GAL3ST3: variants seen among roughly 807,000 people sequenced by gnomAD.
The protein encoded by GAL3ST3 is galactose-3-O-sulfotransferase 3.
GAL3ST3 carries 21 observed loss-of-function variants against 20.8 expected under a neutral mutation model. The observed-to-expected ratio is 1.01, with a 90% confidence interval of 0.72 to 1.45. GAL3ST3 has a LOEUF of 1.45. GAL3ST3 is among the 40% of genes most tolerant of loss of function. The pLI, the probability that GAL3ST3 is intolerant of heterozygous loss-of-function variation, is 0.00. For missense variants in GAL3ST3, 739 were observed against 662.7 expected, an observed-to-expected ratio of 1.12 and a Z score of -1.26; for synonymous variants, 355 against 307.2, an observed-to-expected ratio of 1.16 and a Z score of -1.63.
chr11:66,043,521 C>A lies in GAL3ST3; in HGVS notation c.282G>T (p.Val94=), dbSNP rs747943374. ...GCTCGCAGCTCGGGTGCGGCAGGGCCACCGTCAGGTTGTGGCGCTCGGCAA... is the reference window on the plus strand; with the variant it reads ...GCTCGCAGCTCGGGTGCGGCAGGGCAACCGTCAGGTTGTGGCGCTCGGCAA... ...FRFAERHNLT[V]ALPHPSCEHQ... Residue 94 remains valine, a synonymous_variant, in exon 3 of 3, where the codon GTG becomes GTT. Coordinates refer to ENST00000312006, the MANE Select transcript of GAL3ST3 (RefSeq NM_033036.3). 1 of 1,610,580 alleles carries A rather than the reference C, an allele frequency of 6.2e-7. No individual in the cohort carries two copies. The highest frequency in any genetic ancestry group is 8.5e-7 in the Non-Finnish European group (1 of 1,179,594).
intron 1 of GAL3ST3, among the ~76,000 whole-genome samples, chr11:66,047,518 G>C (rs1366938893): frequency 6.6e-6 from 1 of 152,194 alleles, no homozygotes; most frequent in African/African-American, 2.4e-5. Context: ...GCTGAGCTCT[G>C]GGGAGCTAGC....
chr11:66,048,136 C>T (rs1856801023), intron 1 of GAL3ST3, among the ~76,000 whole-genome samples: 1 of 152,170 alleles, frequency 6.6e-6, no homozygotes, highest in Non-Finnish European at 1.5e-5. Flanking sequence ...AGATGCTTCA[C>T]ACGACTCCCC....
rs1160101662 is a variant in GAL3ST3, at chr11:66,041,143, T to A, written c.*1364A>T. On this transcript the variant is annotated 3_prime_UTR_variant, in exon 3 of 3. Coordinates refer to ENST00000312006, the MANE Select transcript of GAL3ST3 (RefSeq NM_033036.3). ...TGAAGCCACACTGCCTTGGTTGAGATCCTAGTGGCCACTTTCTGGCTGTGT... is the reference window on the plus strand; with the variant it reads ...TGAAGCCACACTGCCTTGGTTGAGAACCTAGTGGCCACTTTCTGGCTGTGT... 6.6e-6 allele frequency among the ~76,000 whole-genome samples: 1 copy of A among 152,188 alleles called. No individual in the cohort carries two copies. The highest frequency in any genetic ancestry group is 1.5e-5 in the Non-Finnish European group (1 of 68,028).
At chr11:66,045,921 A>G (rs1455722450) in intron 1 of GAL3ST3, among the ~76,000 whole-genome samples, 3 of 152,174 alleles carry the variant, frequency 2.0e-5, no homozygotes, top group South Asian at 4.1e-4. Flanking sequence ...TCCTTGCCCA[A>G]TTGCTTTAGC....
Position 66,041,928 on chromosome 11 carries a change from C to T in GAL3ST3, c.*579G>A, listed in dbSNP as rs778926295. ...TCATCCTCAAATGTGGGGAATCCGG[C>T]TTCTATGACTGACATACAACTCGCA... On this transcript the variant is annotated 3_prime_UTR_variant, in exon 3 of 3. Coordinates refer to ENST00000312006, the MANE Select transcript of GAL3ST3 (RefSeq NM_033036.3). 1 of 152,272 alleles carries T rather than the reference C, an allele frequency of 6.6e-6. No individual in the cohort carries two copies. Among genetic ancestry groups the T allele is most frequent in the Non-Finnish European group, 1.5e-5 (1 of 68,038 alleles). 9.4% of individuals were successfully genotyped at this position (152,272 alleles called of 1,614,324 possible).
intron 2 of GAL3ST3, 53 bp from the exon 3 acceptor site, chr11:66,043,730 G>C: frequency 6.7e-7 from 1 of 1,485,772 alleles, no homozygotes; most frequent in Non-Finnish European, 9.1e-7. Flanking sequence ...GCTGCCGCTT[G>C]ACCCCTGCCC....
At position 66,042,878 on chromosome 11, in the gene GAL3ST3, C is replaced by T. The variant is rs1484324954; in HGVS notation, c.925G>A (p.Val309Met). ...ACGCACGCGCGGCCCGCGCGCGCCA[C>T]GTGGCGCCAGAAGGTGGCGTTGAAG... Reference protein sequence around the residue: ...DHFNATFWRHVARAGRACVER... With the variant: ...DHFNATFWRHMARAGRACVER... The change falls in exon 3 of 3, where the codon GTG becomes ATG. Residue 309 changes from valine (V) to methionine (M), a missense_variant. By Grantham distance (21) the Val-to-Met change is conservative (BLOSUM62 1). Coordinates refer to ENST00000312006, the MANE Select transcript of GAL3ST3 (RefSeq NM_033036.3). 2.6e-6 allele frequency: 3 copies of T among 1,175,274 alleles called. No individual in the cohort carries two copies. Among genetic ancestry groups the T allele is most frequent in the East Asian group, 5.8e-5 (1 of 17,140 alleles). The allele number at this position is 1,175,274 out of a possible 1,614,324, so 72.8% of individuals were successfully genotyped here.
rs1461178547 is a variant in GAL3ST3 at position 66,045,538 on chromosome 11, A to AAGGC, written c.-112-15_-112-12dup. On this transcript the variant is annotated splice_polypyrimidine_tract_variant and intron_variant, in intron 1 of 2. Coordinates refer to ENST00000312006, the MANE Select transcript of GAL3ST3 (RefSeq NM_033036.3). ...GTGTTCCCGAGAAGCCTGGCAGAAG[A>AAGGC]AGGCAGACGGGTTTGCAGTGGGCAG... The AAGGC allele has an allele frequency of 3.5e-6, 4 of 1,149,578 alleles. No homozygotes were observed. The highest frequency in any genetic ancestry group is 4.7e-6 in the Non-Finnish European group (4 of 850,300). 71.2% of individuals were successfully genotyped at this position (1,149,578 alleles called of 1,614,324 possible). A position where few individuals can be genotyped will look rare whatever the true frequency, so the allele number is the denominator to read the frequency against.
Position 66,045,359 on chromosome 11 carries a change from T to A in GAL3ST3, c.57A>T (p.Lys19Asn), listed in dbSNP as rs199685994. 102 of 1,606,838 alleles carry A rather than the reference T, an allele frequency of 6.3e-5. No individual in the cohort carries two copies. Among genetic ancestry groups the A allele is most frequent in the Admixed American group, 1.9e-4 (11 of 59,224 alleles). Reference protein sequence around the residue: ...QQATKMMSRRKILLLVLGCST... With the variant: ...QQATKMMSRRNILLLVLGCST... ...TGCACCCTAGCACCAGCAGCAGGAT[T>A]TTCCGGCGGCTCATCATCTTGGTGG... Residue 19 changes from lysine to asparagine, a missense_variant, in exon 2 of 3, where the codon AAA becomes AAT. By Grantham distance (94) the Lys-to-Asn change is moderately conservative. Coordinates refer to ENST00000312006, the MANE Select transcript of GAL3ST3 (RefSeq NM_033036.3).
rs1056473474 is a variant in GAL3ST3 at position 66,043,639 on chromosome 11, C to T, written c.164G>A (p.Arg55Gln). The change falls in exon 3 of 3, where the codon CGG (arginine) becomes CAG (glutamine). Residue 55 changes from arginine to glutamine, a missense_variant. Transcript: ENST00000312006. ...GTGCTTGGGGCGCGGCGGCGAGTTC[C>T]GCAGAGGAGGGCAGCTCAAGGGGAA... ...KLFPLSCPPL[R>Q]NSPPRPKHMT... 7 of 1,611,172 alleles carry T rather than the reference C, an allele frequency of 4.3e-6. No individual in the cohort carries two copies. Among genetic ancestry groups the T allele is most frequent in the East Asian group, 4.5e-5 (2 of 44,794 alleles).
Position 66,043,368 on chromosome 11 carries a change from G to A in GAL3ST3, c.435C>T (p.Thr145=). The A allele has an allele frequency of 6.2e-7, 1 of 1,609,994 alleles. No individual in the cohort carries two copies. Among genetic ancestry groups the A allele is most frequent in the Non-Finnish European group, 8.5e-7 (1 of 1,178,578 alleles). ...AELERLMPPS[T]VYVTILREPA... is the part of the protein sequence containing the mutation. ...GCTCGCGCAGGATGGTGACATAGAC[G>A]GTGCTGGGCGGCATGAGGCGCTCCA... The change falls in exon 3 of 3, where the codon ACC becomes ACT. Residue 145 remains threonine (T), a synonymous_variant. Coordinates refer to ENST00000312006, the MANE Select transcript of GAL3ST3 (RefSeq NM_033036.3).
rs747176554 is a variant in GAL3ST3 at position 66,045,284 on chromosome 11, C to G, written c.125+7G>C. The G allele has an allele frequency of 3.9e-6, 6 of 1,548,036 alleles. No individual in the cohort carries two copies. The highest frequency in any genetic ancestry group is 2.0e-5 in the Admixed American group (1 of 50,496). The stretch of plus-strand genomic sequence containing the variant: ...GCTCCGGCCCCCCTGGGGCCCCGCC[C>G]CCTTACCAGCTGAGCTGCGCCCCCT... On this transcript the variant is annotated splice_region_variant and intron_variant, in intron 2 of 2. Coordinates refer to ENST00000312006, the MANE Select transcript of GAL3ST3 (RefSeq NM_033036.3).
At position 66,045,283 on chromosome 11, in the gene GAL3ST3, C is replaced by T; in HGVS notation, c.125+8G>A. 1 of 1,544,382 alleles carries T rather than the reference C, an allele frequency of 6.5e-7. No homozygotes were observed. The highest frequency in any genetic ancestry group is 8.7e-7 in the Non-Finnish European group (1 of 1,144,954). On this transcript the variant is annotated splice_region_variant and intron_variant, in intron 2 of 2. Coordinates refer to ENST00000312006, the MANE Select transcript of GAL3ST3 (RefSeq NM_033036.3). ...AGCTCCGGCCCCCCTGGGGCCCCGC[C>T]CCCTTACCAGCTGAGCTGCGCCCCC...
rs928884105 is a variant in GAL3ST3, at chr11:66,040,957, G to A, written c.*1550C>T. Among the ~76,000 whole-genome samples the A allele has an allele frequency of 2.6e-5, 4 of 152,198 alleles. No homozygotes were observed. The highest frequency in any genetic ancestry group is 7.2e-5 in the African/African-American group (3 of 41,446). ...TGTCCATTGTCCAAACAGGTCAACC[G>A]TTGTCTCCATGAAAAACTGGATAAA... On this transcript the variant is annotated 3_prime_UTR_variant, in exon 3 of 3. Transcript: ENST00000312006.
Position 66,042,477 on chromosome 11 carries a change from A to G in GAL3ST3, c.*30T>C. ...GGCTGGACTCCTGGGAGGGCAGGGC[A>G]GGACCCATACTCCTGGAGGCCTGCG... is the stretch of plus-strand genomic sequence containing the variant. On this transcript the variant is annotated 3_prime_UTR_variant, in exon 3 of 3. Transcript: ENST00000312006. 7.0e-7 allele frequency: 1 copy of G among 1,430,810 alleles called. No individual in the cohort carries two copies. Among genetic ancestry groups the G allele is most frequent in the Non-Finnish European group, 9.1e-7 (1 of 1,097,474 alleles). 88.6% of individuals were successfully genotyped at this position (1,430,810 alleles called of 1,614,324 possible).
rs1322034972 is a variant in GAL3ST3 at position 66,041,174 on chromosome 11, T to C, written c.*1333A>G. Among the ~76,000 whole-genome samples the C allele has an allele frequency of 1.3e-5, 2 of 152,192 alleles. No individual in the cohort carries two copies. Among genetic ancestry groups the C allele is most frequent in the African/African-American group, 4.8e-5 (2 of 41,450 alleles). On this transcript the variant is annotated 3_prime_UTR_variant, in exon 3 of 3. Coordinates refer to ENST00000312006, the MANE Select transcript of GAL3ST3 (RefSeq NM_033036.3). ...TGGCCACTTTCTGGCTGTGTGACCC[T>C]GACTTAATTTCCCCCAAGTTTCAGT...
Position 66,042,870 on chromosome 11 carries a change from G to T in GAL3ST3, c.933C>A (p.Arg311=). The T allele has an allele frequency of 8.5e-7, 1 of 1,170,144 alleles. No individual in the cohort carries two copies. 72.5% of individuals were successfully genotyped at this position (1,170,144 alleles called of 1,614,324 possible). A position where few individuals can be genotyped will look rare whatever the true frequency, so the allele number is the denominator to read the frequency against. ...CGCGCTCCACGCACGCGCGGCCCGC[G>T]CGCGCCACGTGGCGCCAGAAGGTGG... ...FNATFWRHVA[R]AGRACVEREA... The change falls in exon 3 of 3, where the codon CGC becomes CGA. Residue 311 remains arginine (R), a synonymous_variant. Transcript: ENST00000312006.
Position 66,042,788 on chromosome 11 carries a change from C to T in GAL3ST3, c.1015G>A (p.Glu339Lys), listed in dbSNP as rs1464501694. ...QRLLRRCFGD[E>K]PLLRPAAQIR... ...TGCGCGGCAGGCCGCAGCAGTGGCTCGTCCCCGAAGCAGCGCCGCAGTAGG... is the reference window on the plus strand; with the variant it reads ...TGCGCGGCAGGCCGCAGCAGTGGCTTGTCCCCGAAGCAGCGCCGCAGTAGG... The change falls in exon 3 of 3, where the codon GAG (glutamate) becomes AAG (lysine). Residue 339 changes from glutamate (E) to lysine (K), a missense_variant. Coordinates refer to ENST00000312006, the MANE Select transcript of GAL3ST3 (RefSeq NM_033036.3). The T allele has an allele frequency of 1.8e-4, 266 of 1,488,740 alleles. No individual in the cohort carries two copies. The highest frequency in any genetic ancestry group is 2.2e-4 in the Non-Finnish European group (253 of 1,129,436). The allele number at this position is 1,488,740 out of a possible 1,614,324, so 92.2% of individuals were successfully genotyped here.
rs1390204646 is a variant in GAL3ST3, at chr11:66,041,755, G to T, written c.*752C>A. 6.6e-6 allele frequency among the ~76,000 whole-genome samples: 1 copy of T among 152,240 alleles called. No individual in the cohort carries two copies. Among genetic ancestry groups the T allele is most frequent in the East Asian group, 1.9e-4 (1 of 5,198 alleles). ...TGTGAAAAAGAACGATGTGGAAAGT[G>T]AGTGGGGCTAAGGTGGCCAGTCTGT... On this transcript the variant is annotated 3_prime_UTR_variant, in exon 3 of 3. Coordinates refer to ENST00000312006, the MANE Select transcript of GAL3ST3 (RefSeq NM_033036.3).
Sources: gnomAD v4.1 joint callset for allele counts (sites outside exome capture counted in the v4.1 genomes callset) on GRCh38, gnomAD v4.1.1 for gene constraint, MANE v1.5 for transcripts, NCBI Gene and HGNC (gene_info 2026-07-23, HGNC 2026-07-21) for gene names.